Variants in PRELID2 observed in about 807,000 individuals in gnomAD.
PRELID2 encodes the protein PRELI domain containing 2.
PRELID2 carries 25 observed loss-of-function variants against 28.4 expected under a neutral mutation model. That is an observed-to-expected ratio of 0.88 (90% CI 0.64 to 1.23). PRELID2 has a LOEUF of 1.23. PRELID2 is among the 50% of genes most tolerant of loss of function. The pLI is 0.00. For missense variants in PRELID2, 201 were observed against 214.4 expected, an observed-to-expected ratio of 0.94 and a Z score of 0.39; for synonymous variants, 76 against 71.6, an observed-to-expected ratio of 1.06 and a Z score of -0.31.
chr5:145,297,973 T>C, the PRELID2 span, among the ~76,000 whole-genome samples: 1 of 152,032 alleles, frequency 6.6e-6, no homozygotes, highest in Admixed American at 6.6e-5. Flanking sequence ...TAAAAGAGGA[T>C]ACAAACAAAT....
At chr5:145,426,546 T>G in the PRELID2 span, among the ~76,000 whole-genome samples, 1 of 152,222 alleles carries the variant, frequency 6.6e-6, no homozygotes, top group Non-Finnish European at 1.5e-5. Context: ...AAAGGGGATA[T>G]TCTAAATAAT....
chr5:145,745,928 C>A (rs1024463201), intron 1 of PRELID2, among the ~76,000 whole-genome samples: 12 of 151,908 alleles, frequency 7.9e-5, no homozygotes, highest in African/African-American at 2.9e-4. Context: ...GCTTCATCAG[C>A]AAAGGAAAAT....
chr5:145,498,686 G>T (rs1270628652), intron 1 of PRELID2, among the ~76,000 whole-genome samples: 1 of 151,994 alleles, frequency 6.6e-6, no homozygotes, highest in Non-Finnish European at 1.5e-5. Flanking sequence ...GCACCACCAT[G>T]CCCAGCTATG....
At chr5:145,459,078 A>G in the PRELID2 span, among the ~76,000 whole-genome samples, 1 of 152,184 alleles carries the variant, frequency 6.6e-6, no homozygotes, top group African/African-American at 2.4e-5. Flanking sequence ...GCAGTGTGCT[A>G]TTATGTGATT....
At chr5:145,824,500 G>T (rs1755049086) in intron 1 of PRELID2, among the ~76,000 whole-genome samples, 1 of 147,646 alleles carries the variant, frequency 6.8e-6, no homozygotes, top group African/African-American at 2.5e-5. Context: ...AGGGAAAGGG[G>T]TTCATCATTT....
the PRELID2 span, among the ~76,000 whole-genome samples, chr5:145,305,492 G>A: frequency 6.6e-6 from 1 of 152,146 alleles, no homozygotes; most frequent in Non-Finnish European, 1.5e-5. Flanking sequence ...ACTGGAGGAT[G>A]CCAGGCACAT....
At chr5:145,455,810 G>T in the PRELID2 span, among the ~76,000 whole-genome samples, 393 of 152,286 alleles carry the variant, frequency 2.6e-3, 2 homozygotes, top group African/African-American at 8.7e-3. Flanking sequence ...CTGACCCCTT[G>T]CACTTCCTGG....
intron 4 of PRELID2, among the ~76,000 whole-genome samples, chr5:145,817,438 T>TATATATATATATATATATAA (rs1424110806): frequency 7.2e-6 from 1 of 139,262 alleles, no homozygotes; most frequent in African/African-American, 2.6e-5. Context: ...TATATATATA[T>TATATATATATATATATATAA]ATATATATAT....
At chr5:145,266,540 T>C in the PRELID2 span, among the ~76,000 whole-genome samples, 12,900 of 151,960 alleles carry the variant, frequency 0.085, 1,189 homozygotes, top group African/African-American at 0.23. Flanking sequence ...CCAAAAATAA[T>C]AGATGTTGGT....
chr5:145,526,536 G>A (rs1166701087), intron 1 of PRELID2, among the ~76,000 whole-genome samples: 2 of 152,096 alleles, frequency 1.3e-5, no homozygotes, highest in African/African-American at 4.8e-5. Context: ...GATGGGACTT[G>A]GTCTGGAAAG....
chr5:145,653,057 T>G (rs1364511503), intron 1 of PRELID2, among the ~76,000 whole-genome samples: 2 of 151,918 alleles, frequency 1.3e-5, no homozygotes, highest in Non-Finnish European at 2.9e-5. Context: ...TGGAAGAAGA[T>G]CTACCAAGCA....
intron 1 of PRELID2, among the ~76,000 whole-genome samples, chr5:145,591,786 T>C (rs1286623993): frequency 6.6e-6 from 1 of 152,220 alleles, no homozygotes; most frequent in Non-Finnish European, 1.5e-5. Context: ...ACTTTGCTAA[T>C]GCTCATATCA....
chr5:145,815,616 A>G (rs886243077), intron 4 of PRELID2, among the ~76,000 whole-genome samples: 8 of 152,208 alleles, frequency 5.3e-5, no homozygotes, highest in Non-Finnish European at 8.8e-5. Flanking sequence ...TTCTGTCACT[A>G]TGGATTTACA....
chr5:145,658,900 G>A (rs1754440005), intron 1 of PRELID2, among the ~76,000 whole-genome samples: 1 of 152,190 alleles, frequency 6.6e-6, no homozygotes, highest in African/African-American at 2.4e-5. Flanking sequence ...CAGAGTAACT[G>A]GAAAGGGGGA....
chr5:145,599,686 CTG>C (rs1753362308), intron 1 of PRELID2, among the ~76,000 whole-genome samples: 1 of 152,218 alleles, frequency 6.6e-6, no homozygotes, highest in African/African-American at 2.4e-5. Flanking sequence ...ATAAATATTT[CTG>C]GGTGGGGGAA....
the PRELID2 span, among the ~76,000 whole-genome samples, chr5:145,352,715 T>G: frequency 6.6e-6 from 1 of 152,188 alleles, no homozygotes; most frequent in Non-Finnish European, 1.5e-5. Flanking sequence ...CTGCAAATTT[T>G]CCAAACTTTT....
At chr5:145,646,782 G>A (rs1027511560) in intron 1 of PRELID2, among the ~76,000 whole-genome samples, 4 of 152,156 alleles carry the variant, frequency 2.6e-5, no homozygotes, top group Admixed American at 6.5e-5. Context: ...CCCCTCTGCC[G>A]CAGGTCTGCT....
chr5:145,588,361 C>T (rs140748526), intron 1 of PRELID2, among the ~76,000 whole-genome samples: 4 of 152,204 alleles, frequency 2.6e-5, no homozygotes, highest in South Asian at 2.1e-4. Context: ...CAGCAAAGAA[C>T]GCCATATGCC....
intron 5 of PRELID2, among the ~76,000 whole-genome samples, chr5:145,790,721 G>GTGTGTATA (rs772901344): frequency 1.9e-3 from 210 of 110,896 alleles, no homozygotes; most frequent in African/African-American, 5.9e-3. Flanking sequence ...GTGTGTGTGT[G>GTGTGTATA]TATATATATA....
Sources: gnomAD v4.1 joint callset for allele counts (sites outside exome capture counted in the v4.1 genomes callset) on GRCh38, gnomAD v4.1.1 for gene constraint, MANE v1.5 for transcripts, NCBI Gene and HGNC (gene_info 2026-07-23, HGNC 2026-07-21) for gene names.